The following RBM20 variants were observed in gnomAD, a reference collection of about 807,000 sequenced individuals.
RBM20 encodes the protein RNA-binding protein 20.
RBM20 carries 51 observed loss-of-function variants against 110.1 expected under a neutral mutation model. That is an observed-to-expected ratio of 0.46 (90% CI 0.37 to 0.59). The LOEUF is 0.59. RBM20 is among the 20% of genes least tolerant of loss of function. The probability of loss-of-function intolerance (pLI) is 0.00; values close to 1 mark genes in which losing one functional copy is unlikely to be tolerated. For synonymous variants in RBM20, 589 were observed against 618.2 expected (o/e 0.95, Z 0.70); for missense variants, 1,512 against 1,574.9 (o/e 0.96, Z 0.68).
intron 1 of RBM20, among the ~76,000 whole-genome samples, chr10:110,764,876 G>A (rs1293689485): frequency 6.6e-6 from 1 of 152,174 alleles, no homozygotes; most frequent in South Asian, 2.1e-4. Context: ...GGGAGAAATC[G>A]AGGTTTATTT....
At chr10:110,724,110 C>T (rs908432968) in intron 1 of RBM20, among the ~76,000 whole-genome samples, 2 of 152,112 alleles carry the variant, frequency 1.3e-5, no homozygotes, top group Non-Finnish European at 2.9e-5. Flanking sequence ...CTATTGACTT[C>T]AGGGCTTGTA....
intron 7 of RBM20, among the ~76,000 whole-genome samples, chr10:110,800,828 T>C (rs1189720424): frequency 6.6e-6 from 1 of 152,266 alleles, no homozygotes; most frequent in East Asian, 1.9e-4. Context: ...TCATTCAACA[T>C]GATGCCATCC....
chr10:110,795,245 CTTAAT>C (rs1564848505), intron 5 of RBM20, among the ~76,000 whole-genome samples: 1 of 152,248 alleles, frequency 6.6e-6, no homozygotes, highest in African/African-American at 2.4e-5. Flanking sequence ...GATTCTGCTT[CTTAAT>C]AGCACTCCTC....
At chr10:110,683,982 G>A (rs1862460646) in intron 1 of RBM20, among the ~76,000 whole-genome samples, 1 of 152,184 alleles carries the variant, frequency 6.6e-6, no homozygotes, top group Admixed American at 6.5e-5. Flanking sequence ...GCCTCACTCT[G>A]AAATATTTTT....
In RBM20 at chr10:110,644,497, G is replaced by C. The variant is rs559040957; in HGVS notation, c.43G>C (p.Gly15Arg). Residue 15 changes from glycine (G) to arginine (R), a missense_variant, in exon 1 of 14, where the codon GGT (glycine) becomes CGT (arginine). Gly to Arg is a moderately radical substitution (Grantham distance 125). Around this residue, in one of 3 missense-constraint regions of RBM20, gnomAD observed 1,149 missense variants for 1,169.4 expected, o/e 0.98. Transcript: ENST00000369519. This position sits in a 1 kb window ranked among gnomAD's most constrained non-coding sequence, Gnocchi z 4.3. ...CATGAGCCAGGACGCGGACCCCAGC[G>C]GTCCGGAGCAGCCGGACAGAGTTGC... is the stretch of plus-strand genomic sequence containing the variant. The part of the protein sequence containing the change: ...AAMSQDADPS[G>R]PEQPDRVACS... 20 of 1,523,578 alleles carry C rather than the reference G, an allele frequency of 1.3e-5. No individual in the cohort carries two copies. The South Asian group carries it at 2.2e-4, about 17-fold the overall frequency. The allele number at this position is 1,523,578 out of a possible 1,614,324, so 94.4% of individuals were successfully genotyped here.
intron 1 of RBM20, among the ~76,000 whole-genome samples, chr10:110,714,413 T>C (rs1244771438): frequency 6.6e-6 from 1 of 152,202 alleles, no homozygotes; most frequent in African/African-American, 2.4e-5. Flanking sequence ...GTGGTTGTAG[T>C]CATACTGAGC....
At chr10:110,816,048 A>C (rs1255654942) in intron 9 of RBM20, among the ~76,000 whole-genome samples, 1 of 152,190 alleles carries the variant, frequency 6.6e-6, no homozygotes, top group African/African-American at 2.4e-5. Context: ...GTCAGATAAC[A>C]GGTGGCAACT....
Position 110,780,620 on chromosome 10 carries a change from GTT to G in RBM20, c.192-165_192-164del, listed in dbSNP as rs34363441. On this transcript the variant is annotated intron_variant, in intron 1 of 13. Coordinates refer to ENST00000369519, the MANE Select transcript of RBM20 (RefSeq NM_001134363.3). ...TCTGTCATATAATTTTTCCATTGGAGTTTTTTTTTTTTTTTTTAATGTGTATG... is the reference window on the plus strand; with the variant it reads ...TCTGTCATATAATTTTTCCATTGGAGTTTTTTTTTTTTTTTAATGTGTATG... 0.29 allele frequency among the ~76,000 whole-genome samples: 41,148 copies of G among 140,892 alleles called. 5,830 individuals carry two copies. The highest frequency in any genetic ancestry group is 0.31 in the African/African-American group (11,849 of 37,946). The allele number at this position is 140,892 out of a possible 152,430, so 92.4% of individuals were successfully genotyped here. A position where few individuals can be genotyped will look rare whatever the true frequency, so the allele number is the denominator to read the frequency against.
chr10:110,651,097 A>G (rs900080490), intron 1 of RBM20, among the ~76,000 whole-genome samples: 1 of 152,192 alleles, frequency 6.6e-6, no homozygotes, highest in Non-Finnish European at 1.5e-5. Flanking sequence ...GAAATGATCA[A>G]TTGCAGTTTC....
intron 1 of RBM20, among the ~76,000 whole-genome samples, chr10:110,732,652 G>C (rs1340895899): frequency 6.6e-6 from 1 of 152,196 alleles, no homozygotes; most frequent in Non-Finnish European, 1.5e-5. Context: ...CATAAATTCT[G>C]CCCTTGCCGT....
chr10:110,784,763 T>G, intron 4 of RBM20, 29 bp from the exon 5 acceptor site: 1 of 1,429,606 alleles, frequency 7.0e-7, no homozygotes, highest in Non-Finnish European at 9.7e-7. Context: ...TTCTGGGTTT[T>G]CACTGACTTT....
intron 9 of RBM20, among the ~76,000 whole-genome samples, chr10:110,818,798 A>G (rs932272199): frequency 2.0e-5 from 3 of 152,244 alleles, no homozygotes; most frequent in African/African-American, 7.2e-5. Flanking sequence ...AGAGAGGGCC[A>G]TGGATAGGTG....
intron 1 of RBM20, among the ~76,000 whole-genome samples, chr10:110,737,871 T>C (rs1053932103): frequency 6.6e-6 from 1 of 152,194 alleles, no homozygotes; most frequent in Non-Finnish European, 1.5e-5. Context: ...GAACATTTTT[T>C]ACGTGTCTTT....
intron 1 of RBM20, among the ~76,000 whole-genome samples, chr10:110,762,636 C>T (rs1306890195): frequency 2.0e-5 from 3 of 152,204 alleles, no homozygotes; most frequent in Non-Finnish European, 2.9e-5. Context: ...CCAGGTGACA[C>T]GTGGCTCCTA....
At chr10:110,829,255 G>A (rs537770699) in intron 12 of RBM20, among the ~76,000 whole-genome samples, 13 of 152,330 alleles carry the variant, frequency 8.5e-5, no homozygotes, top group African/African-American at 2.2e-4. Flanking sequence ...TGCTGAATGC[G>A]CCTCTGCCAG....
chr10:110,736,379 G>C (rs1255812310), intron 1 of RBM20, among the ~76,000 whole-genome samples: 2 of 111,970 alleles, frequency 1.8e-5, no homozygotes, highest in African/African-American at 8.9e-5. Context: ...TCAAGACACT[G>C]TTGTATAAAA....
chr10:110,795,670 AT>A (rs1844540924), intron 5 of RBM20, among the ~76,000 whole-genome samples: 1 of 152,176 alleles, frequency 6.6e-6, no homozygotes, highest in South Asian at 2.1e-4. Flanking sequence ...AACATAGAAA[AT>A]TGTGATTATG....
intron 1 of RBM20, among the ~76,000 whole-genome samples, chr10:110,717,854 G>A (rs1035056661): frequency 1.3e-5 from 2 of 152,204 alleles, no homozygotes; most frequent in Non-Finnish European, 2.9e-5. Context: ...GCGCTCCATT[G>A]CACTGGCCCC....
rs1262211799 is a variant in RBM20, at chr10:110,834,297, C to A, written c.3574-1571C>A. ...CCTCCATCAGCAGCTTTGCCTGCTG[C>A]CATCCACCGTTTGCTCTTCTCCTAG... On this transcript the variant is annotated intron_variant, in intron 13 of 13. Transcript: ENST00000369519. 3.3e-5 allele frequency among the ~76,000 whole-genome samples: 5 copies of A among 151,786 alleles called. No individual in the cohort carries two copies. In the East Asian group the frequency reaches 9.6e-4, roughly 29 times the overall value.
Sources: allele counts gnomAD v4.1 joint callset (sites outside exome capture counted in the v4.1 genomes callset), GRCh38; gene constraint gnomAD v4.1.1; regional missense constraint gnomAD v4.1.1; non-coding constraint Gnocchi (gnomAD v3.1); transcripts MANE v1.5; gene names NCBI Gene and HGNC (gene_info 2026-07-23, HGNC 2026-07-21).